Variants in SNAP23 observed in about 807,000 individuals in gnomAD.
The protein encoded by SNAP23 is synaptosomal-associated protein 23.
A neutral mutation model predicts 29.0 loss-of-function variants in SNAP23; 11 were observed. The observed-to-expected ratio is 0.38, with a 90% CI of 0.24 to 0.63. The LOEUF (loss-of-function observed/expected upper bound fraction) is 0.63, where lower values mean the gene tolerates loss of function less well. SNAP23 is among the 20% of genes least tolerant of loss of function. SNAP23 has a pLI of 0.58. For synonymous variants in SNAP23, 60 were observed against 82.9 expected, an observed-to-expected ratio of 0.72 and a Z score of 1.50; for missense variants, 220 against 253.9, an observed-to-expected ratio of 0.87 and a Z score of 0.91.
chr15:42,513,074 T>C, intron 3 of SNAP23, 78 bp downstream of exon 3: 1 of 1,026,356 alleles, frequency 9.7e-7, no homozygotes, highest in Non-Finnish European at 1.5e-6. Context: ...GAATTAGTAT[T>C]AAAGGGTAAT....
intron 5 of SNAP23, chr15:42,521,651 G>A: frequency 6.8e-7 from 1 of 1,463,614 alleles, no homozygotes; most frequent in Non-Finnish European, 9.2e-7. Context: ...ACTGATCAAA[G>A]GGAACTTTAA....
intron 1 of SNAP23, among the ~76,000 whole-genome samples, chr15:42,508,036 G>A (rs1024433377): frequency 1.3e-5 from 2 of 152,022 alleles, no homozygotes; most frequent in Non-Finnish European, 2.9e-5. Flanking sequence ...TGGGAGGATT[G>A]CTTGACCCCA....
chr15:42,504,546 T>C (rs1046769036), intron 1 of SNAP23, among the ~76,000 whole-genome samples: 3 of 152,222 alleles, frequency 2.0e-5, no homozygotes, highest in African/African-American at 7.2e-5. Flanking sequence ...CCTTTTGTTT[T>C]GCCTACTATT....
intron 5 of SNAP23, among the ~76,000 whole-genome samples, chr15:42,523,562 A>G (rs1280293451): frequency 6.6e-6 from 1 of 152,268 alleles, no homozygotes; most frequent in Admixed American, 6.5e-5. Flanking sequence ...GTCAGGTTGA[A>G]GTTGAAGCCA....
At chr15:42,522,400 A>G (rs910311435) in intron 5 of SNAP23, among the ~76,000 whole-genome samples, 35 of 152,154 alleles carry the variant, frequency 2.3e-4, no homozygotes, top group African/African-American at 6.8e-4. Flanking sequence ...TTAATTTTTC[A>G]TGGGAGGTAA....
chr15:42,491,228 G>T (rs891034513), upstream of SNAP23: 2 of 152,364 alleles, frequency 1.3e-5, no homozygotes, highest in African/African-American at 4.8e-5. Flanking sequence ...GTGAACAACG[G>T]ACACACAGGA....
At chr15:42,493,354 C>CTCTATA (rs1555433134), upstream of SNAP23, among the ~76,000 whole-genome samples, 1 of 147,184 alleles carries the variant, frequency 6.8e-6, no homozygotes, top group Non-Finnish European at 1.5e-5. Context: ...CTCTCTCTCT[C>CTCTATA]TATATATATA....
At chr15:42,494,255 GT>G (rs1344446345), upstream of SNAP23, among the ~76,000 whole-genome samples, 1 of 151,786 alleles carries the variant, frequency 6.6e-6, no homozygotes, top group African/African-American at 2.4e-5. Context: ...CTACTAAGTT[GT>G]TTTTTTCAAC....
At chr15:42,503,316 C>T (rs1460313969) in intron 1 of SNAP23, among the ~76,000 whole-genome samples, 2 of 151,968 alleles carry the variant, frequency 1.3e-5, no homozygotes, top group Admixed American at 1.3e-4. Context: ...ATTCTCCTGC[C>T]TTAGCCTCCT....
At chr15:42,527,972 C>A in intron 5 of SNAP23, 1 of 307,040 alleles carries the variant, frequency 3.3e-6, no homozygotes, top group Non-Finnish European at 6.1e-6. Flanking sequence ...CTAAGGGAAC[C>A]TGAAAAATCA....
chr15:42,492,548 C>A (rs1004985317), upstream of SNAP23, among the ~76,000 whole-genome samples: 3 of 151,628 alleles, frequency 2.0e-5, no homozygotes, highest in African/African-American at 7.3e-5. Flanking sequence ...CGTGGTGGTG[C>A]GTGCCTGTAG....
intron 6 of SNAP23, 29 bp downstream of exon 6, chr15:42,528,449 A>G (rs113394011): frequency 3.7e-6 from 6 of 1,610,258 alleles, no homozygotes; most frequent in East Asian, 2.2e-5. Context: ...ATATTCCTGT[A>G]CCTTTCTTAA....
At chr15:42,502,782 T>C (rs1255786325) in intron 1 of SNAP23, among the ~76,000 whole-genome samples, 1 of 152,166 alleles carries the variant, frequency 6.6e-6, no homozygotes, top group African/African-American at 2.4e-5. Context: ...ACCATTCTCA[T>C]TGATAGGGTT....
intron 5 of SNAP23, among the ~76,000 whole-genome samples, chr15:42,527,568 A>G (rs992257791): frequency 6.6e-6 from 1 of 151,748 alleles, no homozygotes; most frequent in African/African-American, 2.4e-5. Flanking sequence ...GTATTTTTTT[A>G]TAGAGATGGC....
chr15:42,497,045 T>TTC (rs201214099), intron 1 of SNAP23, among the ~76,000 whole-genome samples: 22 of 144,360 alleles, frequency 1.5e-4, no homozygotes, highest in Middle Eastern at 3.6e-3. Context: ...CTTTCTTTCT[T>TTC]TTTTTTTTTT....
At chr15:42,499,013 T>C (rs537726482) in intron 1 of SNAP23, among the ~76,000 whole-genome samples, 5 of 152,304 alleles carry the variant, frequency 3.3e-5, no homozygotes, top group Admixed American at 3.3e-4. Context: ...TATTTGTTTC[T>C]TGTACACTGA....
intron 5 of SNAP23, among the ~76,000 whole-genome samples, chr15:42,519,494 C>T (rs1208800529): frequency 6.6e-6 from 1 of 151,838 alleles, no homozygotes; most frequent in East Asian, 1.9e-4. Context: ...GCCTCAACCA[C>T]CCAAGTAGCT....
At chr15:42,505,083 G>C (rs2057305869) in intron 1 of SNAP23, 1 of 151,956 alleles carries the variant, frequency 6.6e-6, no homozygotes, top group African/African-American at 2.4e-5. Flanking sequence ...GCAAGACCCT[G>C]TGAAATTGAT....
upstream of SNAP23, among the ~76,000 whole-genome samples, chr15:42,491,835 G>A (rs955855319): frequency 6.6e-6 from 1 of 152,106 alleles, no homozygotes; most frequent in African/African-American, 2.4e-5. Context: ...GCCTGCCTTG[G>A]CCTTCCAAAG....
Sources: gnomAD v4.1 joint callset for allele counts (sites outside exome capture counted in the v4.1 genomes callset) on GRCh38, gnomAD v4.1.1 for gene constraint, MANE v1.5 for transcripts, NCBI Gene and HGNC (gene_info 2026-07-23, HGNC 2026-07-21) for gene names.